TPM4: variants seen among roughly 807,000 people sequenced by gnomAD.
The protein encoded by TPM4 is tropomyosin 4.
Under a neutral mutation model 35.8 loss-of-function variants are expected in TPM4, and 17 were observed. The ratio of observed to expected loss-of-function variants is 0.47; its 90% CI spans 0.32 to 0.71. The LOEUF (loss-of-function observed/expected upper bound fraction) is 0.71, where lower values mean the gene tolerates loss of function less well. Among genes scored for constraint, TPM4 ranks in the 30% least tolerant of loss-of-function variants. The probability of loss-of-function intolerance (pLI) is 0.03; values close to 1 mark genes in which losing one functional copy is unlikely to be tolerated. For missense variants in TPM4, 240 were observed against 320.9 expected (o/e 0.75, Z 1.93); for synonymous variants, 120 against 122.9 (o/e 0.98, Z 0.15).
intron 7 of TPM4, chr19:16,100,393 C>A (rs2090750440): frequency 6.6e-6 from 1 of 152,254 alleles, no homozygotes; most frequent in South Asian, 2.1e-4. Context: ...GATATACTTA[C>A]ACTAAAATAT....
chr19:16,096,812 T>C (rs1019155630), intron 7 of TPM4, among the ~76,000 whole-genome samples: 1 of 152,146 alleles, frequency 6.6e-6, no homozygotes, highest in African/African-American at 2.4e-5. Context: ...CAATCTCCAT[T>C]CATATTTCAG....
At chr19:16,080,235 C>A (rs1407648108) in intron 1 of TPM4, 1 of 203,646 alleles carries the variant, frequency 4.9e-6, no homozygotes, top group Non-Finnish European at 1.0e-5. Flanking sequence ...AGAGGCCATT[C>A]ATTTCTTACC....
intron 7 of TPM4, chr19:16,100,914 A>AT (rs1421655711): frequency 5.7e-6 from 1 of 176,836 alleles, no homozygotes; most frequent in Non-Finnish European, 1.2e-5. Context: ...TCACACCTGT[A>AT]ATCCCAGCAC....
At chr19:16,089,852 CTTT>C (rs1006507511) in intron 5 of TPM4, among the ~76,000 whole-genome samples, 1 of 150,568 alleles carries the variant, frequency 6.6e-6, no homozygotes, top group East Asian at 1.9e-4. Context: ...CCTATTCAGC[CTTT>C]TTTTTTCTTT....
At chr19:16,086,337 G>T (rs1468608417) in intron 2 of TPM4, 86 bp from the exon 3 acceptor site, 2 of 1,231,890 alleles carry the variant, frequency 1.6e-6, no homozygotes, top group Admixed American at 3.5e-5. Flanking sequence ...ATGACAGAGC[G>T]AGACTCCATC....
At chr19:16,085,129 GGT>G (rs1333026746) in intron 2 of TPM4, among the ~76,000 whole-genome samples, 5 of 152,024 alleles carry the variant, frequency 3.3e-5, no homozygotes, top group Admixed American at 3.3e-4. Context: ...AGTGCATGCT[GGT>G]AGTCCCAGCC....
chr19:16,083,473 C>T (rs1376728801), intron 2 of TPM4, among the ~76,000 whole-genome samples: 2 of 152,134 alleles, frequency 1.3e-5, no homozygotes, highest in Admixed American at 6.6e-5. Flanking sequence ...GTTCCTCACC[C>T]GCCCATGGTA....
In TPM4 at chr19:16,076,851, G is replaced by A. The variant is rs1433599932; in HGVS notation, c.132+154G>A. 2.3e-5 allele frequency: 29 copies of A among 1,246,558 alleles called. No individual in the cohort carries two copies. In the East Asian group the frequency reaches 6.6e-4, roughly 28 times the overall value. The allele number at this position is 1,246,558 out of a possible 1,614,324, so 77.2% of individuals were successfully genotyped here. A position where few individuals can be genotyped will look rare whatever the true frequency, so the allele number is the denominator to read the frequency against. ...ATCGCCGACCCACATCCCTGCGCCCGCAGCCAGGACCCCCTACTTCCTCCG... is the reference window on the plus strand; with the variant it reads ...ATCGCCGACCCACATCCCTGCGCCCACAGCCAGGACCCCCTACTTCCTCCG... On this transcript the variant is annotated intron_variant, in intron 1 of 7. Transcript: ENST00000643579.
chr19:16,074,081 A>T (rs1015315579), upstream of TPM4, among the ~76,000 whole-genome samples: 5 of 150,390 alleles, frequency 3.3e-5, no homozygotes, highest in South Asian at 1.1e-3. Context: ...TTGCACATCC[A>T]CTCAGGGGTG....
Position 16,081,955 on chromosome 19 carries a change from G to A in TPM4, c.175G>A (p.Val59Ile), listed in dbSNP as rs11539578. The A allele has an allele frequency of 2.8e-5, 45 of 1,609,418 alleles. No homozygotes were observed. Among genetic ancestry groups the A allele is most frequent in the Non-Finnish European group, 3.4e-5 (40 of 1,176,318 alleles). The change falls in exon 2 of 8, where the codon GTT (valine) becomes ATT (isoleucine). Residue 59 changes from valine to isoleucine, a missense_variant. Val to Ile is a conservative substitution (Grantham distance 29). Transcript: ENST00000643579. ...VAALNRRIQLVEEELDRAQER... is the reference protein window; with the variant it reads ...VAALNRRIQLIEEELDRAQER... ...CGCCCTCAACCGACGCATCCAGCTC[G>A]TTGAGGAGGAGTTGGACAGGGCTCA...
chr19:16,075,736 T>G, upstream of TPM4: 1 of 268,814 alleles, frequency 3.7e-6, no homozygotes, highest in Non-Finnish European at 7.1e-6. Context: ...GAAACTGGAA[T>G]GTGTGTATTT....
At chr19:16,093,439 C>T in intron 5 of TPM4, 97 bp from the exon 6 acceptor site, 1 of 1,378,874 alleles carries the variant, frequency 7.3e-7, no homozygotes, top group Middle Eastern at 2.5e-4. Flanking sequence ...TGTGATCCAC[C>T]AGCCTCAGGC....
chr19:16,093,053 C>T, intron 5 of TPM4: 1 of 168,348 alleles, frequency 5.9e-6, no homozygotes, highest in Non-Finnish European at 1.3e-5. Flanking sequence ...CGGGGTCTCA[C>T]TATGTGACCC....
intron 7 of TPM4, among the ~76,000 whole-genome samples, chr19:16,098,662 C>T (rs1211323035): frequency 2.0e-5 from 3 of 152,002 alleles, no homozygotes; most frequent in Non-Finnish European, 4.4e-5. Context: ...GGTTTAAGGC[C>T]TGGCGCAGTG....
At chr19:16,074,352 T>C, upstream of TPM4, 1 of 152,246 alleles carries the variant, frequency 6.6e-6, no homozygotes, top group East Asian at 1.9e-4. Flanking sequence ...AAGATCAAGA[T>C]GCTGGCAGAT....
In TPM4 at chr19:16,101,837, G is replaced by A; in HGVS notation, c.*491G>A. On this transcript the variant is annotated 3_prime_UTR_variant, in exon 8 of 8. Transcript: ENST00000643579. ...ATCCAGAGCCAATAAAAGGACTGGTGGGGGCCGGGGGTGGCTATTGTGGGA... is the reference window on the plus strand; with the variant it reads ...ATCCAGAGCCAATAAAAGGACTGGTAGGGGCCGGGGGTGGCTATTGTGGGA... 4.4e-6 allele frequency: 1 copy of A among 227,474 alleles called. No individual in the cohort carries two copies. Among genetic ancestry groups the A allele is most frequent in the East Asian group, 6.2e-5 (1 of 16,006 alleles). 14.1% of individuals were successfully genotyped at this position (227,474 alleles called of 1,614,324 possible).
At chr19:16,085,897 CCT>C (rs754283733) in intron 2 of TPM4, among the ~76,000 whole-genome samples, 65 of 151,712 alleles carry the variant, frequency 4.3e-4, no homozygotes, top group Non-Finnish European at 8.1e-4. Flanking sequence ...GGCGAAACCC[CCT>C]CTCTACTAAA....
intron 1 of TPM4, chr19:16,080,970 A>C (rs1472947486): frequency 1.5e-5 from 6 of 398,454 alleles, no homozygotes; most frequent in Non-Finnish European, 2.7e-5. Context: ...CCATGCCTGC[A>C]ACCAAGTTTT....
rs534879768 is a variant in TPM4 at position 16,084,461 on chromosome 19, C to T, written c.267-1962C>T. Reference sequence around the variant, plus strand: ...GAGAGTTCCTGGCTGTGCCTGTGGCCTGGGTTAGCTGCTGTTCACAGTCAG... The same window carrying T: ...GAGAGTTCCTGGCTGTGCCTGTGGCTTGGGTTAGCTGCTGTTCACAGTCAG... On this transcript the variant is annotated intron_variant, in intron 2 of 7. Transcript: ENST00000643579. Among the ~76,000 whole-genome samples, 5 of 152,328 alleles carry T rather than the reference C, an allele frequency of 3.3e-5. No individual in the cohort carries two copies. In the East Asian group the frequency reaches 5.8e-4, roughly 18 times the overall value.
Sources: gnomAD v4.1 joint callset for allele counts (sites outside exome capture counted in the v4.1 genomes callset) on GRCh38, gnomAD v4.1.1 for gene constraint, MANE v1.5 for transcripts, NCBI Gene and HGNC (gene_info 2026-07-23, HGNC 2026-07-21) for gene names.